SLAIN2: variants seen among roughly 807,000 people sequenced by gnomAD.
SLAIN2 encodes the protein SLAIN motif-containing protein 2.
In SLAIN2, 31 loss-of-function variants were observed where a neutral mutation model predicts 56.6. The ratio of observed to expected loss-of-function variants is 0.55; its 90% CI spans 0.41 to 0.74. The LOEUF is 0.74. SLAIN2 is among the 30% of genes least tolerant of loss of function. The probability of loss-of-function intolerance (pLI) is 0.00; values close to 1 mark genes in which losing one functional copy is unlikely to be tolerated. For synonymous variants in SLAIN2, 317 were observed against 284.9 expected (o/e 1.11, Z -1.13); for missense variants, 777 against 754.2 (o/e 1.03, Z -0.35).
At chr4:48,403,639 G>A (rs539766021) in intron 6 of SLAIN2, among the ~76,000 whole-genome samples, 1 of 152,312 alleles carries the variant, frequency 6.6e-6, no homozygotes, top group East Asian at 1.9e-4. Flanking sequence ...TCTCCAGCCT[G>A]CTACCACTGG....
intron 1 of SLAIN2, among the ~76,000 whole-genome samples, chr4:48,354,466 AT>A (rs35476700): frequency 0.54 from 81,647 of 150,312 alleles, 22,609 homozygotes; most frequent in South Asian, 0.69. Flanking sequence ...TGTTACGGAT[AT>A]TTTTTTTTTT....
In SLAIN2 at chr4:48,425,674, T is replaced by G. The variant is rs185590853; in HGVS notation, c.*3597T>G. 25 of 152,272 alleles carry G rather than the reference T, an allele frequency of 1.6e-4. No individual in the cohort carries two copies. The highest frequency in any genetic ancestry group is 8.3e-4 in the South Asian group (4 of 4,826). The allele number at this position is 152,272 out of a possible 1,614,324, so 9.4% of individuals were successfully genotyped here. On this transcript the variant is annotated 3_prime_UTR_variant, in exon 8 of 8. Transcript: ENST00000264313. ...AAAAACTTGAAGAGCCATTTAAAAT[T>G]AAATGTCACTATACTTGTATTATAA...
intron 1 of SLAIN2, among the ~76,000 whole-genome samples, chr4:48,348,683 C>G (rs1714933023): frequency 7.8e-6 from 1 of 127,744 alleles, no homozygotes; most frequent in Non-Finnish European, 1.6e-5. Flanking sequence ...GAGCAAGACT[C>G]TGTCTCAAAA....
intron 1 of SLAIN2, among the ~76,000 whole-genome samples, chr4:48,357,066 G>C (rs1715175237): frequency 6.6e-6 from 1 of 151,164 alleles, no homozygotes; most frequent in African/African-American, 2.4e-5. Flanking sequence ...ATAATTATTA[G>C]TATTATTGAT....
chr4:48,362,732 C>CTTTTTTTTTTTTTTTTTTTT (rs397716685), intron 1 of SLAIN2, among the ~76,000 whole-genome samples: 1 of 116,406 alleles, frequency 8.6e-6, no homozygotes. Context: ...TTTTAAATTT[C>CTTTTTTTTTTTTTTTTTTTT]TTTTTTTTTT....
Position 48,397,602 on chromosome 4 carries a change from C to T in SLAIN2, c.1360+13818C>T, listed in dbSNP as rs528745206. On this transcript the variant is annotated intron_variant, in intron 6 of 7. Coordinates refer to ENST00000264313, the MANE Select transcript of SLAIN2 (RefSeq NM_020846.2). ...CTGGTGGTTTGCTGCACAGATCAAC[C>T]TATCACCTAGGTATTAAGCCCAGCA... 2.5e-4 allele frequency among the ~76,000 whole-genome samples: 38 copies of T among 152,186 alleles called. No homozygotes were observed. The East Asian group carries it at 6.8e-3, about 27-fold the overall frequency.
intron 6 of SLAIN2, among the ~76,000 whole-genome samples, chr4:48,409,282 T>C (rs924190594): frequency 1.3e-5 from 2 of 151,990 alleles, no homozygotes; most frequent in African/African-American, 4.8e-5. Flanking sequence ...AGTAGGTCTT[T>C]CTCTATTTTT....
At chr4:48,384,239 A>G (rs1716044114) in intron 6 of SLAIN2, among the ~76,000 whole-genome samples, 1 of 152,202 alleles carries the variant, frequency 6.6e-6, no homozygotes, top group Non-Finnish European at 1.5e-5. Flanking sequence ...CCATTGTTCA[A>G]ACCTGCAATA....
At chr4:48,421,903 TG>T in intron 7 of SLAIN2, 107 bp from the exon 8 acceptor site, 1 of 877,788 alleles carries the variant, frequency 1.1e-6, no homozygotes, top group Non-Finnish European at 1.8e-6. Context: ...ACGGCCTTCA[TG>T]GGATCGTGAT....
At chr4:48,393,229 A>G (rs1414834625) in intron 6 of SLAIN2, among the ~76,000 whole-genome samples, 2 of 152,012 alleles carry the variant, frequency 1.3e-5, no homozygotes, top group African/African-American at 4.8e-5. Flanking sequence ...AAAAATTAAT[A>G]CAAAAATTAA....
chr4:48,350,624 T>C (rs1430952275), intron 1 of SLAIN2, among the ~76,000 whole-genome samples: 2 of 152,198 alleles, frequency 1.3e-5, no homozygotes, highest in Non-Finnish European at 2.9e-5. Flanking sequence ...TTGGTAATAA[T>C]AAGTTCTTAT....
intron 1 of SLAIN2, among the ~76,000 whole-genome samples, chr4:48,363,395 A>ACC (rs575173695): frequency 5.3e-4 from 21 of 39,658 alleles, no homozygotes; most frequent in Middle Eastern, 0.017. Context: ...GGGGGGGCTG[A>ACC]CCCCCCCCCA....
chr4:48,398,581 C>T (rs1716469957), intron 6 of SLAIN2, among the ~76,000 whole-genome samples: 1 of 152,124 alleles, frequency 6.6e-6, no homozygotes, highest in African/African-American at 2.4e-5. Flanking sequence ...ATGCCTGTGT[C>T]CTGAATAGTA....
chr4:48,355,387 T>C (rs1715131479), intron 1 of SLAIN2, among the ~76,000 whole-genome samples: 1 of 152,164 alleles, frequency 6.6e-6, no homozygotes. Flanking sequence ...TATATAGAAA[T>C]TGGGTATATA....
chr4:48,414,216 A>T (rs996444927), intron 6 of SLAIN2, among the ~76,000 whole-genome samples: 16 of 152,204 alleles, frequency 1.1e-4, no homozygotes, highest in Admixed American at 9.8e-4. Context: ...AAGAGAAATT[A>T]TAACTTGTCA....
intron 1 of SLAIN2, among the ~76,000 whole-genome samples, chr4:48,367,928 A>G (rs1466721872): frequency 6.6e-6 from 1 of 151,810 alleles, no homozygotes; most frequent in Non-Finnish European, 1.5e-5. Context: ...CCTCATTCCC[A>G]TTCCTACCTC....
intron 1 of SLAIN2, among the ~76,000 whole-genome samples, chr4:48,365,985 G>A (rs1431213691): frequency 6.6e-6 from 1 of 152,090 alleles, no homozygotes; most frequent in African/African-American, 2.4e-5. Context: ...CTTTTTTAGC[G>A]TCATCACATA....
intron 6 of SLAIN2, among the ~76,000 whole-genome samples, chr4:48,416,349 TG>T (rs1186830720): frequency 1.4e-5 from 1 of 69,252 alleles, no homozygotes; most frequent in Non-Finnish European, 2.9e-5. Flanking sequence ...ACCCATGATT[TG>T]GCTCTCTGTT....
chr4:48,381,698 A>G (rs146761147), intron 4 of SLAIN2, among the ~76,000 whole-genome samples: 1 of 152,332 alleles, frequency 6.6e-6, no homozygotes, highest in East Asian at 1.9e-4. Context: ...CCGTGTTGAT[A>G]GCACTTTCTG....
Sources: allele counts gnomAD v4.1 joint callset (sites outside exome capture counted in the v4.1 genomes callset), GRCh38; gene constraint gnomAD v4.1.1; transcripts MANE v1.5; gene names NCBI Gene and HGNC (gene_info 2026-07-23, HGNC 2026-07-21).